The following ATP2C2 variants were observed in gnomAD, a reference collection of about 807,000 sequenced individuals.
ATP2C2 encodes ATPase secretory pathway Ca2+ transporting 2.
ATP2C2 carries 171 observed loss-of-function variants against 110.8 expected under a neutral mutation model. That is an observed-to-expected ratio of 1.54 (90% CI 1.36 to 1.75). The LOEUF is 1.75. ATP2C2 is among the 40% of genes most tolerant of loss of function. The probability of loss-of-function intolerance (pLI) is 0.00; values close to 1 mark genes in which losing one functional copy is unlikely to be tolerated. For missense variants in ATP2C2, 1,963 were observed against 1,235.0 expected (o/e 1.59, Z -8.84); for synonymous variants, 804 against 508.4 (o/e 1.58, Z -7.82).
At chr16:84,440,650 C>A (rs1378810259) in intron 13 of ATP2C2, among the ~76,000 whole-genome samples, 1 of 152,220 alleles carries the variant, frequency 6.6e-6, no homozygotes, top group African/African-American at 2.4e-5. Flanking sequence ...AGTCAACTTG[C>A]TGCAACTTAC....
intron 3 of ATP2C2, among the ~76,000 whole-genome samples, chr16:84,405,452 C>T (rs1015742374): frequency 6.6e-6 from 1 of 152,078 alleles, no homozygotes; most frequent in Admixed American, 6.5e-5. Context: ...CTTTCGTAGA[C>T]AGTTGAGCAG....
At chr16:84,389,937 G>A (rs894169533) in intron 1 of ATP2C2, among the ~76,000 whole-genome samples, 4 of 152,050 alleles carry the variant, frequency 2.6e-5, no homozygotes, top group African/African-American at 9.7e-5. Flanking sequence ...TGGCCAGGCT[G>A]CTTTCGAACT....
In ATP2C2 at chr16:84,460,778, A is replaced by T; in HGVS notation, c.2458A>T (p.Thr820Ser). 1 of 1,613,492 alleles carries T rather than the reference A, an allele frequency of 6.2e-7. No homozygotes were observed. Among genetic ancestry groups the T allele is most frequent in the Non-Finnish European group, 8.5e-7 (1 of 1,179,642 alleles). Residue 820 changes from threonine (T) to serine (S), a missense_variant, in exon 24 of 27, where the codon ACC (threonine) becomes TCC (serine). Thr to Ser is a moderately conservative substitution (Grantham distance 58). Coordinates refer to ENST00000262429, the MANE Select transcript of ATP2C2 (RefSeq NM_014861.4). ...GTCCGCGGCCATCATCATCAGCGGG[A>T]CCCTCTTTATCTTCTGGAAGGAGGT... ...LMSAAIIISGTLFIFWKEMPE... is the reference protein window; with the variant it reads ...LMSAAIIISGSLFIFWKEMPE...
At chr16:84,401,025 T>G (rs1905284435) in intron 2 of ATP2C2, among the ~76,000 whole-genome samples, 1 of 152,198 alleles carries the variant, frequency 6.6e-6, no homozygotes, top group Non-Finnish European at 1.5e-5. Flanking sequence ...GGTTGTCTCT[T>G]CACTTTGTTG....
At chr16:84,380,339 GA>G (rs1383011264) in intron 1 of ATP2C2, among the ~76,000 whole-genome samples, 3 of 152,136 alleles carry the variant, frequency 2.0e-5, no homozygotes, top group African/African-American at 7.2e-5. Flanking sequence ...TGTGAACCGG[GA>G]ATTGTATGTT....
At chr16:84,408,869 T>G (rs1307988688) in intron 4 of ATP2C2, among the ~76,000 whole-genome samples, 1 of 151,772 alleles carries the variant, frequency 6.6e-6, no homozygotes, top group Non-Finnish European at 1.5e-5. Context: ...TTTTTTTTTA[T>G]TTAGATGAAA....
chr16:84,406,812 G>A (rs1905812585), intron 3 of ATP2C2, among the ~76,000 whole-genome samples: 1 of 151,982 alleles, frequency 6.6e-6, no homozygotes, highest in Non-Finnish European at 1.5e-5. Context: ...CTCTGCCCTG[G>A]CACCCCTTCC....
chr16:84,408,597 G>A, intron 4 of ATP2C2, 103 bp downstream of exon 4: 1 of 882,254 alleles, frequency 1.1e-6, no homozygotes, highest in Non-Finnish European at 1.7e-6. Context: ...TGCTGTAGGG[G>A]GGAAAAAGGA....
intron 1 of ATP2C2, among the ~76,000 whole-genome samples, chr16:84,376,091 G>T (rs976350531): frequency 6.6e-6 from 1 of 152,176 alleles, no homozygotes; most frequent in Non-Finnish European, 1.5e-5. Context: ...GGAGAAAGAG[G>T]TGGATGGGAC....
intron 24 of ATP2C2, 193 bp from the exon 25 acceptor site, chr16:84,461,521 C>A (rs117968375): frequency 6.3e-5 from 40 of 637,430 alleles, no homozygotes; most frequent in Middle Eastern, 4.1e-4. Context: ...GGCAGCAAAT[C>A]AGCATGTGCT....
intron 6 of ATP2C2, among the ~76,000 whole-genome samples, chr16:84,413,589 C>T (rs547727305): frequency 2.0e-5 from 3 of 152,192 alleles, no homozygotes; most frequent in African/African-American, 4.8e-5. Context: ...CGATCTTAAG[C>T]TTAAATATCG....
intron 7 of ATP2C2, among the ~76,000 whole-genome samples, chr16:84,420,593 C>G (rs747316995): frequency 7.3e-5 from 11 of 151,610 alleles, no homozygotes; most frequent in Non-Finnish European, 1.3e-4. Flanking sequence ...AATGCCTTAG[C>G]TTACTTGGGT....
At chr16:84,395,565 T>C (rs1351076504) in intron 1 of ATP2C2, among the ~76,000 whole-genome samples, 3 of 149,922 alleles carry the variant, frequency 2.0e-5, no homozygotes. Context: ...TTCAAGCAAT[T>C]CTCCCTGACT....
chr16:84,425,885 G>C, intron 11 of ATP2C2, 84 bp downstream of exon 11: 1 of 1,518,948 alleles, frequency 6.6e-7, no homozygotes, highest in South Asian at 1.1e-5. Context: ...AAGGTGGGGA[G>C]GCTGCAGAAT....
rs1188190191 is a variant in ATP2C2 at position 84,439,467 on chromosome 16, G to C, written c.1152G>C (p.Leu384=). ...TCTGTTCTGACAAGACGGGGACTCT[G>C]ACTGCCAATGAAATGACAGTGACCC... The part of the protein sequence containing the change: ...SVLCSDKTGT[L]TANEMTVTQL... Residue 384 remains leucine (L), a synonymous_variant, in exon 13 of 27, where the codon CTG becomes CTC. Coordinates refer to ENST00000262429, the MANE Select transcript of ATP2C2 (RefSeq NM_014861.4). 1.2e-6 allele frequency: 2 copies of C among 1,614,150 alleles called. No individual in the cohort carries two copies. Among genetic ancestry groups the C allele is most frequent in the Non-Finnish European group, 8.5e-7 (1 of 1,180,028 alleles).
At chr16:84,453,808 G>A (rs1399501548) in intron 20 of ATP2C2, among the ~76,000 whole-genome samples, 1 of 152,098 alleles carries the variant, frequency 6.6e-6, no homozygotes, top group Non-Finnish European at 1.5e-5. Context: ...TAACGTAGAG[G>A]GAAAAACTAA....
intron 1 of ATP2C2, among the ~76,000 whole-genome samples, chr16:84,390,846 G>C (rs369977010): frequency 2.0e-5 from 3 of 152,186 alleles, no homozygotes; most frequent in Admixed American, 6.5e-5. Context: ...GGGCGCGGTG[G>C]CTCACGCCTG....
Position 84,453,408 on chromosome 16 carries a change from G to T in ATP2C2, c.1980+37G>T, listed in dbSNP as rs576143758. On this transcript the variant is annotated intron_variant, in intron 20 of 26. Transcript: ENST00000262429. ...AAGGCAGGCACAGGCTGCGCTGCTG[G>T]GGCCGGGCCAGAGACACTGTGGCTC... 2.6e-5 allele frequency: 42 copies of T among 1,612,938 alleles called. No homozygotes were observed. In the South Asian group the frequency reaches 4.2e-4, roughly 16 times the overall value.
chr16:84,423,551 C>T (rs2150546528), intron 10 of ATP2C2, among the ~76,000 whole-genome samples: 1 of 152,350 alleles, frequency 6.6e-6, no homozygotes, highest in East Asian at 1.9e-4. Context: ...AGTGGCTCTC[C>T]TGGATAGCTC....
Sources: allele counts gnomAD v4.1 joint callset (sites outside exome capture counted in the v4.1 genomes callset), GRCh38; gene constraint gnomAD v4.1.1; transcripts MANE v1.5; gene names NCBI Gene and HGNC (gene_info 2026-07-23, HGNC 2026-07-21).